PLA2G6: variants seen among roughly 807,000 people sequenced by gnomAD.
PLA2G6 encodes 85/88 kDa calcium-independent phospholipase A2.
In PLA2G6, 62 loss-of-function variants were observed where a neutral mutation model predicts 83.8. The observed-to-expected ratio is 0.74, with a 90% CI of 0.60 to 0.91. The LOEUF (loss-of-function observed/expected upper bound fraction) is 0.91, where lower values mean the gene tolerates loss of function less well. PLA2G6 is among the 40% of genes least tolerant of loss of function. PLA2G6 has a pLI of 0.00. For synonymous variants in PLA2G6, 417 were observed against 449.8 expected (o/e 0.93, Z 0.92); for missense variants, 944 against 1,102.0 (o/e 0.86, Z 2.03).
chr22:38,176,758 C>T (rs968414158), intron 1 of PLA2G6, among the ~76,000 whole-genome samples: 2 of 152,184 alleles, frequency 1.3e-5, no homozygotes, highest in African/African-American at 2.4e-5. Flanking sequence ...GAAGGCGCAG[C>T]CGGGCGCGGT....
chr22:38,156,368 A>C (rs553111073), intron 2 of PLA2G6, among the ~76,000 whole-genome samples: 28 of 152,360 alleles, frequency 1.8e-4, no homozygotes, highest in African/African-American at 5.8e-4. Context: ...CGGCTGCAGA[A>C]TACACATTCT....
chr22:38,128,222 G>C lies in PLA2G6; in HGVS notation c.1348+47C>G. ...TTGGTGGGGCCTGCTGTGATCCAGG[G>C]GCCTGGGAACCAGCTGGAGAAGAGG... On this transcript the variant is annotated intron_variant, in intron 9 of 16. Coordinates refer to ENST00000332509, the MANE Select transcript of PLA2G6 (RefSeq NM_003560.4). The surrounding 1 kb of genome is among the most constrained non-coding windows in gnomAD (Gnocchi z 4.4). 1 of 1,592,848 alleles carries C rather than the reference G, an allele frequency of 6.3e-7. No individual in the cohort carries two copies. The highest frequency in any genetic ancestry group is 1.1e-5 in the South Asian group (1 of 90,652).
chr22:38,169,184 G>A, intron 2 of PLA2G6, 34 bp downstream of exon 2: 1 of 1,529,074 alleles, frequency 6.5e-7, no homozygotes, highest in Non-Finnish European at 9.0e-7. Context: ...GGGAGTGAAA[G>A]GAGAGAAGTA....
At chr22:38,158,871 G>C (rs1326426310) in intron 2 of PLA2G6, among the ~76,000 whole-genome samples, 1 of 152,164 alleles carries the variant, frequency 6.6e-6, no homozygotes, top group Non-Finnish European at 1.5e-5. Flanking sequence ...TCGATCATCA[G>C]GGCTCTGCCC....
chr22:38,123,063 C>G lies in PLA2G6; in HGVS notation c.1591+32G>C. 6.5e-7 allele frequency: 1 copy of G among 1,542,922 alleles called. No homozygotes were observed. Among genetic ancestry groups the G allele is most frequent in the Non-Finnish European group, 8.7e-7 (1 of 1,144,526 alleles). On this transcript the variant is annotated intron_variant, in intron 11 of 16. Coordinates refer to ENST00000332509, the MANE Select transcript of PLA2G6 (RefSeq NM_003560.4). This position sits in a 1 kb window ranked among gnomAD's most constrained non-coding sequence, Gnocchi z 4.1. ...CCCTTGAGGACACAGGTCTCAGCCCCGCCTGGCCCCATCCCCAGGGGCCGC... is the reference window on the plus strand; with the variant it reads ...CCCTTGAGGACACAGGTCTCAGCCCGGCCTGGCCCCATCCCCAGGGGCCGC...
chr22:38,156,885 T>A (rs1377133587), intron 2 of PLA2G6, among the ~76,000 whole-genome samples: 2 of 152,172 alleles, frequency 1.3e-5, no homozygotes, highest in Admixed American at 1.3e-4. Context: ...TCTTGAATGG[T>A]CAATGAAGAA....
chr22:38,162,387 G>A (rs971986237), intron 2 of PLA2G6, among the ~76,000 whole-genome samples: 7 of 152,062 alleles, frequency 4.6e-5, no homozygotes, highest in Non-Finnish European at 8.8e-5. Context: ...ACAATGACAG[G>A]CCATGGAGTC....
intron 12 of PLA2G6, among the ~76,000 whole-genome samples, chr22:38,116,729 T>C (rs1481780208): frequency 2.0e-5 from 3 of 151,684 alleles, no homozygotes; most frequent in Non-Finnish European, 2.9e-5. Flanking sequence ...CGCATGCCTG[T>C]AATCCCAGCT....
chr22:38,144,950 G>C (rs2089158936), intron 3 of PLA2G6: 2 of 352,046 alleles, frequency 5.7e-6, no homozygotes, highest in Non-Finnish European at 1.1e-5. Context: ...AGCTCCCACA[G>C]ACCTGGCACC....
intron 12 of PLA2G6, among the ~76,000 whole-genome samples, chr22:38,117,908 C>T (rs1175946032): frequency 1.3e-5 from 2 of 151,810 alleles, no homozygotes; most frequent in Non-Finnish European, 1.5e-5. Flanking sequence ...TGGTGGTGCA[C>T]GCCTATAATC....
intron 1 of PLA2G6, among the ~76,000 whole-genome samples, chr22:38,179,211 G>A (rs933922697): frequency 6.6e-6 from 1 of 152,212 alleles, no homozygotes; most frequent in East Asian, 1.9e-4. Context: ...TCCAGGAAAA[G>A]CAAGGAAGCC....
chr22:38,161,399 A>C (rs937206164), intron 2 of PLA2G6, among the ~76,000 whole-genome samples: 1 of 152,080 alleles, frequency 6.6e-6, no homozygotes, highest in Non-Finnish European at 1.5e-5. Context: ...CACTAATCCC[A>C]TTCATGAGGG....
At chr22:38,148,477 G>A (rs1184851053) in intron 2 of PLA2G6, 5 of 716,432 alleles carry the variant, frequency 7.0e-6, no homozygotes, top group Non-Finnish European at 1.0e-5. Flanking sequence ...TACCTCAAAA[G>A]ACACTGATGA....
chr22:38,145,460 A>C lies in PLA2G6; in HGVS notation c.403T>G (p.Phe135Val). ...CACCTGATGATACGGCTGTGATGGA[A>C]GCACTCGCGGATCCCTAGCTCCACA... ...LAVELGIRECFHHSRIISCAN... is the reference protein window; with the variant it reads ...LAVELGIRECVHHSRIISCAN... Residue 135 changes from phenylalanine to valine, a missense_variant, in exon 3 of 17, where the codon TTC becomes GTC. Transcript: ENST00000332509. 2 of 1,609,756 alleles carry C rather than the reference A, an allele frequency of 1.2e-6. No individual in the cohort carries two copies. Among genetic ancestry groups the C allele is most frequent in the Non-Finnish European group, 1.7e-6 (2 of 1,178,838 alleles).
rs575898460 is a variant in PLA2G6 at position 38,129,461 on chromosome 22, G to A, written c.1179C>T (p.Ile393=). ...AGAGTGCAGAGCACATACGTCTGCCGATTTTGGAGGCTAGGAATGTAGGAG... is the reference window on the plus strand; with the variant it reads ...AGAGTGCAGAGCACATACGTCTGCCAATTTTGGAGGCTAGGAATGTAGGAG... ...GETPTFLASK[I]GRLVTRKAIL... Residue 393 remains isoleucine (I), a synonymous_variant, in exon 8 of 17, where the codon ATC becomes ATT. Transcript: ENST00000332509. The A allele has an allele frequency of 6.2e-6, 10 of 1,610,110 alleles. No individual in the cohort carries two copies. Among genetic ancestry groups the A allele is most frequent in the African/African-American group, 2.7e-5 (2 of 74,830 alleles).
chr22:38,153,731 C>A (rs996733040), intron 2 of PLA2G6, among the ~76,000 whole-genome samples: 1 of 152,102 alleles, frequency 6.6e-6, no homozygotes, highest in Non-Finnish European at 1.5e-5. Flanking sequence ...AAAGTACCTT[C>A]ATAAAAAGCA....
rs541347801 is a variant in PLA2G6 at position 38,178,497 on chromosome 22, T to C, written c.-46+3167A>G. On this transcript the variant is annotated intron_variant, in intron 1 of 16. Coordinates refer to ENST00000332509, the MANE Select transcript of PLA2G6 (RefSeq NM_003560.4). ...CTGAGGTGGGGGGATTGCTTAAGTC[T>C]AGCAGGTCGAGGCTGCAGTGAGCTG... 4.6e-5 allele frequency among the ~76,000 whole-genome samples: 7 copies of C among 152,228 alleles called. No homozygotes were observed. The East Asian group carries it at 1.4e-3, about 29-fold the overall frequency.
At chr22:38,178,593 G>A (rs1162307046) in intron 1 of PLA2G6, among the ~76,000 whole-genome samples, 6 of 151,930 alleles carry the variant, frequency 3.9e-5, no homozygotes, top group African/African-American at 1.2e-4. Flanking sequence ...GGCCGGGCGC[G>A]GTGGCTCACA....
At chr22:38,176,795 T>C (rs1010478340) in intron 1 of PLA2G6, among the ~76,000 whole-genome samples, 1 of 151,992 alleles carries the variant, frequency 6.6e-6, no homozygotes, top group African/African-American at 2.4e-5. Flanking sequence ...CCCAGCACTT[T>C]GGGAGGGTGA....
Sources: allele counts gnomAD v4.1 joint callset (sites outside exome capture counted in the v4.1 genomes callset), GRCh38; gene constraint gnomAD v4.1.1; non-coding constraint Gnocchi (gnomAD v3.1); transcripts MANE v1.5; gene names NCBI Gene and HGNC (gene_info 2026-07-23, HGNC 2026-07-21).